LIFR: variants seen among roughly 807,000 people sequenced by gnomAD.
The protein encoded by LIFR is LIF receptor subunit alpha.
LIFR carries 84 observed loss-of-function variants against 122.2 expected under a neutral mutation model. The ratio of observed to expected loss-of-function variants is 0.69; its 90% CI spans 0.58 to 0.82. The LOEUF (loss-of-function observed/expected upper bound fraction) is 0.82, where lower values mean the gene tolerates loss of function less well. Ranked by LOEUF, LIFR falls within the 40% of genes least tolerant of loss-of-function variation. The pLI, the probability that LIFR is intolerant of heterozygous loss-of-function variation, is 0.00. For missense variants in LIFR, 1,294 were observed against 1,311.6 expected, an observed-to-expected ratio of 0.99 and a Z score of 0.21; for synonymous variants, 422 against 434.7, an observed-to-expected ratio of 0.97 and a Z score of 0.36.
chr5:38,547,644 C>T (rs1177304982), intron 1 of LIFR, among the ~76,000 whole-genome samples: 10 of 152,072 alleles, frequency 6.6e-5, no homozygotes, highest in Admixed American at 6.5e-5. Flanking sequence ...AAACTAATTA[C>T]AAAACTAATG....
At chr5:38,589,424 TA>T (rs1411030602) in intron 1 of LIFR, among the ~76,000 whole-genome samples, 1 of 152,100 alleles carries the variant, frequency 6.6e-6, no homozygotes, top group Admixed American at 6.5e-5. Context: ...ATTAAAAAAA[TA>T]AAATGGATGA....
intron 1 of LIFR, chr5:38,579,458 A>G (rs1367966759): frequency 6.6e-6 from 1 of 152,188 alleles, no homozygotes; most frequent in Non-Finnish European, 1.5e-5. Context: ...GAAAAAAAAA[A>G]GAGGGGAGTC....
At chr5:38,570,281 A>G (rs1180619946) in intron 1 of LIFR, among the ~76,000 whole-genome samples, 2 of 152,174 alleles carry the variant, frequency 1.3e-5, no homozygotes, top group Admixed American at 1.3e-4. Context: ...AATGGTACCT[A>G]AAGATTATTA....
At chr5:38,531,792 A>C (rs1377935776) in intron 1 of LIFR, among the ~76,000 whole-genome samples, 1 of 152,232 alleles carries the variant, frequency 6.6e-6, no homozygotes, top group African/African-American at 2.4e-5. Context: ...TATTTTTCTT[A>C]GTGAAAGCAG....
intron 11 of LIFR, among the ~76,000 whole-genome samples, chr5:38,500,071 C>T (rs1197392632): frequency 6.6e-6 from 1 of 152,136 alleles, no homozygotes; most frequent in African/African-American, 2.4e-5. Context: ...CTGCCATTCC[C>T]TTCACCCCCT....
intron 1 of LIFR, among the ~76,000 whole-genome samples, chr5:38,577,343 ACC>A (rs1749420730): frequency 6.6e-6 from 1 of 152,178 alleles, no homozygotes; most frequent in Admixed American, 6.5e-5. Context: ...CGCTCTGCCT[ACC>A]CACCTACTCC....
At chr5:38,535,828 C>A (rs184131872) in intron 1 of LIFR, among the ~76,000 whole-genome samples, 1 of 152,182 alleles carries the variant, frequency 6.6e-6, no homozygotes, top group Admixed American at 6.5e-5. Context: ...TGCATGCTAA[C>A]CCAGGTACTG....
intron 1 of LIFR, among the ~76,000 whole-genome samples, chr5:38,552,343 T>C (rs574035102): frequency 4.5e-4 from 68 of 152,336 alleles, no homozygotes; most frequent in African/African-American, 1.6e-3. Flanking sequence ...TTCCCAAGTT[T>C]TCAATTAATA....
At chr5:38,565,570 T>C (rs907762633) in intron 1 of LIFR, among the ~76,000 whole-genome samples, 1 of 151,200 alleles carries the variant, frequency 6.6e-6, no homozygotes, top group African/African-American at 2.4e-5. Flanking sequence ...AAAATATACC[T>C]CTGTCATGAT....
At chr5:38,523,621 T>C in intron 4 of LIFR, 39 bp from the exon 5 acceptor site, 3 of 1,515,038 alleles carry the variant, frequency 2.0e-6, no homozygotes, top group Non-Finnish European at 2.8e-6. Flanking sequence ...CTTAGTAAAA[T>C]AAGTAATGAT....
At chr5:38,572,968 C>T (rs550318670) in intron 1 of LIFR, among the ~76,000 whole-genome samples, 23 of 152,302 alleles carry the variant, frequency 1.5e-4, no homozygotes, top group African/African-American at 5.3e-4. Flanking sequence ...GCCGCTGCAA[C>T]TTTCCCCATC....
At chr5:38,598,316 G>A (rs922471985), upstream of LIFR, among the ~76,000 whole-genome samples, 10 of 134,578 alleles carry the variant, frequency 7.4e-5, no homozygotes, top group Non-Finnish European at 1.2e-4. Context: ...GTGCAATCTC[G>A]GTGCTCTGCA....
At chr5:38,493,846 A>C in intron 13 of LIFR, 61 bp from the exon 14 acceptor site, 1,939 of 1,335,112 alleles carry the variant, frequency 1.5e-3, no homozygotes, top group Non-Finnish European at 1.9e-3. Flanking sequence ...GGCAAATCTC[A>C]TAAAAATGGA....
In LIFR at chr5:38,477,667, T is replaced by C. The variant is rs1352773247; in HGVS notation, c.*3928A>G. On this transcript the variant is annotated 3_prime_UTR_variant, in exon 20 of 20. Transcript: ENST00000453190. ...CGTGGAGTCACTTCCGAAGTAGATT[T>C]GAATCTTTGAGTCAATAGTCTCAGA... 4.6e-6 allele frequency: 1 copy of C among 216,174 alleles called. No homozygotes were observed. The highest frequency in any genetic ancestry group is 9.3e-6 in the Non-Finnish European group (1 of 107,162). 13.4% of individuals were successfully genotyped at this position (216,174 alleles called of 1,614,324 possible).
intron 11 of LIFR, among the ~76,000 whole-genome samples, chr5:38,501,382 T>C (rs1745167147): frequency 6.6e-6 from 1 of 152,252 alleles, no homozygotes; most frequent in Non-Finnish European, 1.5e-5. Flanking sequence ...TGCTATTTCT[T>C]AAATTTTTGG....
chr5:38,563,502 G>A (rs891304638), intron 1 of LIFR, among the ~76,000 whole-genome samples: 12 of 152,154 alleles, frequency 7.9e-5, no homozygotes, highest in Admixed American at 2.0e-4. Flanking sequence ...AGAGACCAAA[G>A]CTCAAAGGAG....
intron 1 of LIFR, among the ~76,000 whole-genome samples, chr5:38,578,521 T>G (rs1031566561): frequency 6.6e-6 from 1 of 151,860 alleles, no homozygotes; most frequent in Non-Finnish European, 1.5e-5. Context: ...TACTCATTTT[T>G]GATAAAATTC....
intron 14 of LIFR, among the ~76,000 whole-genome samples, chr5:38,491,736 T>A (rs1402034100): frequency 6.6e-6 from 1 of 152,226 alleles, no homozygotes; most frequent in Non-Finnish European, 1.5e-5. Context: ...ATATTAACTT[T>A]TCTTCTTGTA....
At chr5:38,485,241 G>A (rs926943644) in intron 17 of LIFR, among the ~76,000 whole-genome samples, 7 of 152,148 alleles carry the variant, frequency 4.6e-5, no homozygotes, top group Non-Finnish European at 8.8e-5. Flanking sequence ...ACGAGACAGT[G>A]CCAAGTATCT....
Sources: allele counts gnomAD v4.1 joint callset (sites outside exome capture counted in the v4.1 genomes callset), GRCh38; gene constraint gnomAD v4.1.1; transcripts MANE v1.5; gene names NCBI Gene and HGNC (gene_info 2026-07-23, HGNC 2026-07-21).